PRDM16: variants seen among roughly 807,000 people sequenced by gnomAD.
PRDM16 encodes the protein PR/SET domain 16.
A neutral mutation model predicts 110.6 loss-of-function variants in PRDM16; 23 were observed. The ratio of observed to expected loss-of-function variants is 0.21; its 90% CI spans 0.15 to 0.29. PRDM16 has a LOEUF of 0.29. Ranked by LOEUF, PRDM16 falls within the 10% of genes least tolerant of loss-of-function variation. The pLI is 1.00. For missense variants in PRDM16, 1,615 were observed against 1,794.3 expected (o/e 0.90, Z 1.81); for synonymous variants, 799 against 781.8 (o/e 1.02, Z -0.37).
chr1:3,114,498 ACGCG>A (rs777610098), intron 1 of PRDM16, among the ~76,000 whole-genome samples: 2 of 149,936 alleles, frequency 1.3e-5, no homozygotes, highest in Admixed American at 6.6e-5. Flanking sequence ...GCACGCACAC[ACGCG>A]CATGCACACA....
intron 3 of PRDM16, among the ~76,000 whole-genome samples, chr1:3,299,544 G>A (rs59508799): frequency 1.5e-4 from 15 of 101,940 alleles, no homozygotes; most frequent in African/African-American, 3.6e-4. Context: ...TGCTGTGGCC[G>A]TGATGTTTCC....
intron 3 of PRDM16, among the ~76,000 whole-genome samples, chr1:3,346,822 G>A (rs1042721438): frequency 7.9e-5 from 12 of 152,180 alleles, no homozygotes; most frequent in South Asian, 2.1e-4. Context: ...CCTAGTGACC[G>A]GCTGAACAGA....
intron 1 of PRDM16, among the ~76,000 whole-genome samples, chr1:3,121,751 C>G (rs913000145): frequency 6.6e-6 from 1 of 152,230 alleles, no homozygotes; most frequent in Non-Finnish European, 1.5e-5. Flanking sequence ...ACCTCGGCTG[C>G]GCGCTGCAGG....
At chr1:3,217,250 C>A (rs1639049494) in intron 2 of PRDM16, among the ~76,000 whole-genome samples, 1 of 152,268 alleles carries the variant, frequency 6.6e-6, no homozygotes, top group African/African-American at 2.4e-5. Flanking sequence ...TCCTGGGCGG[C>A]TGGCGTCCAG....
rs1173284527 is a variant in PRDM16, at chr1:3,348,619, GC to G, written c.439-36532del. On this transcript the variant is annotated intron_variant, in intron 3 of 16. Coordinates refer to ENST00000270722, the MANE Select transcript of PRDM16 (RefSeq NM_022114.4). ...GCAGAAGGAGGGGGGCTTCCCCGGA[GC>G]TTTGAACTCACAGTGCCCCTCTTGA... Among the ~76,000 whole-genome samples, 8 of 152,390 alleles carry G rather than the reference GC, an allele frequency of 5.2e-5. No homozygotes were observed. In the South Asian group the frequency reaches 1.7e-3, roughly 32 times the overall value.
intron 3 of PRDM16, among the ~76,000 whole-genome samples, chr1:3,322,226 C>T (rs1230312169): frequency 6.6e-6 from 1 of 151,526 alleles, no homozygotes; most frequent in African/African-American, 2.4e-5. Context: ...AGCATGTGCA[C>T]GTGTGTGTGT....
rs544040974 is a variant in PRDM16 at position 3,149,496 on chromosome 1, G to A, written c.38-36629G>A. Among the ~76,000 whole-genome samples, 8 of 152,292 alleles carry A rather than the reference G, an allele frequency of 5.3e-5. No individual in the cohort carries two copies. In the South Asian group the frequency reaches 6.2e-4, roughly 12 times the overall value. Reference sequence around the variant, plus strand: ...TGCCCTGCCACTCCTGGCTGAGGACGTCAGTCTACACAAGGGTGCATACCT... The same window carrying A: ...TGCCCTGCCACTCCTGGCTGAGGACATCAGTCTACACAAGGGTGCATACCT... On this transcript the variant is annotated intron_variant, in intron 1 of 16. Coordinates refer to ENST00000270722, the MANE Select transcript of PRDM16 (RefSeq NM_022114.4).
At chr1:3,111,636 G>A (rs905824040) in intron 1 of PRDM16, among the ~76,000 whole-genome samples, 10 of 152,088 alleles carry the variant, frequency 6.6e-5, no homozygotes, top group Admixed American at 4.6e-4. Flanking sequence ...GGAGGCGCAG[G>A]TCAGGGGCGC....
chr1:3,193,685 C>G (rs1349202660), intron 2 of PRDM16, among the ~76,000 whole-genome samples: 1 of 152,182 alleles, frequency 6.6e-6, no homozygotes, highest in Admixed American at 6.5e-5. Context: ...GCCCCTGCCC[C>G]CCAACAATGT....
At position 3,359,366 on chromosome 1, in the gene PRDM16, T is replaced by C. The variant is rs1642670746; in HGVS notation, c.439-25786T>C. Among the ~76,000 whole-genome samples the C allele has an allele frequency of 6.6e-6, 1 of 152,094 alleles. No homozygotes were observed. The highest frequency in any genetic ancestry group is 2.4e-5 in the African/African-American group (1 of 41,390). On this transcript the variant is annotated intron_variant, in intron 3 of 16. Coordinates refer to ENST00000270722, the MANE Select transcript of PRDM16 (RefSeq NM_022114.4). The surrounding 1 kb of genome is among the most constrained non-coding windows in gnomAD (Gnocchi z 4.3). ...GAAAACAGCCTCAGAACTATCAGGGTCTCCCTTCCGACCAGGGCCTGAGGC... is the reference window on the plus strand; with the variant it reads ...GAAAACAGCCTCAGAACTATCAGGGCCTCCCTTCCGACCAGGGCCTGAGGC...
chr1:3,387,747 T>A (rs1302129444), intron 4 of PRDM16, among the ~76,000 whole-genome samples: 2 of 152,236 alleles, frequency 1.3e-5, no homozygotes. Context: ...TCCTGAAATC[T>A]CAACCGTGAA....
intron 3 of PRDM16, among the ~76,000 whole-genome samples, chr1:3,323,925 G>T (rs569213949): frequency 2.0e-5 from 3 of 152,330 alleles, no homozygotes; most frequent in South Asian, 4.1e-4. Flanking sequence ...CAACATTGCG[G>T]GCAGCGGACG....
intron 12 of PRDM16, among the ~76,000 whole-genome samples, chr1:3,424,261 C>A (rs1375963201): frequency 6.6e-6 from 1 of 152,234 alleles, no homozygotes; most frequent in Non-Finnish European, 1.5e-5. Context: ...GTCGCTCAGG[C>A]CCCCTAGTTC....
chr1:3,257,221 C>T (rs1176086198), intron 3 of PRDM16, among the ~76,000 whole-genome samples: 1 of 152,192 alleles, frequency 6.6e-6, no homozygotes, highest in Non-Finnish European at 1.5e-5. Flanking sequence ...TGGATCATTC[C>T]TTCATGTGTG....
intron 3 of PRDM16, among the ~76,000 whole-genome samples, chr1:3,374,339 A>T (rs1179281567): frequency 1.3e-5 from 2 of 152,214 alleles, no homozygotes; most frequent in South Asian, 4.1e-4. Context: ...ATAATGCGGG[A>T]TCCCTTTAAA....
chr1:3,164,100 G>A (rs1315006994), intron 1 of PRDM16, among the ~76,000 whole-genome samples: 1 of 152,236 alleles, frequency 6.6e-6, no homozygotes, highest in Non-Finnish European at 1.5e-5. Context: ...GCGCCCTGAA[G>A]CCTGTGTCGT....
Position 3,069,558 on chromosome 1 carries a change from T to G in PRDM16, c.37+262T>G, listed in dbSNP as rs2100468519. ...GCGGAACCCCCTCCCCCCCCACCAG[T>G]GTCAGGCGCTCGGGCCCGGGAACCC... On this transcript the variant is annotated intron_variant, in intron 1 of 16. Coordinates refer to ENST00000270722, the MANE Select transcript of PRDM16 (RefSeq NM_022114.4). This position sits in a 1 kb window ranked among gnomAD's most constrained non-coding sequence, Gnocchi z 6.1. Among the ~76,000 whole-genome samples the G allele has an allele frequency of 6.9e-6, 1 of 144,212 alleles. No individual in the cohort carries two copies. The highest frequency in any genetic ancestry group is 6.7e-5 in the Admixed American group (1 of 14,846). The allele number at this position is 144,212 out of a possible 152,430, so 94.6% of individuals were successfully genotyped here.
At chr1:3,293,835 C>T (rs1557587232) in intron 3 of PRDM16, among the ~76,000 whole-genome samples, 1 of 152,172 alleles carries the variant, frequency 6.6e-6, no homozygotes, top group African/African-American at 2.4e-5. Flanking sequence ...TGAACGTTGC[C>T]CCTTGGAGAG....
intron 3 of PRDM16, among the ~76,000 whole-genome samples, chr1:3,256,683 C>T (rs1046743589): frequency 1.3e-5 from 2 of 152,022 alleles, no homozygotes; most frequent in Non-Finnish European, 2.9e-5. Context: ...ACGGTGAAAC[C>T]CCATCTCTAC....
Sources: gnomAD v4.1 joint callset for allele counts (sites outside exome capture counted in the v4.1 genomes callset) on GRCh38, gnomAD v4.1.1 for gene constraint, Gnocchi (gnomAD v3.1) non-coding constraint, MANE v1.5 for transcripts, NCBI Gene and HGNC (gene_info 2026-07-23, HGNC 2026-07-21) for gene names.